LMF1: variants seen among roughly 807,000 people sequenced by gnomAD.
LMF1 encodes the protein lipase maturation factor 1.
A neutral mutation model predicts 60.6 loss-of-function variants in LMF1; 68 were observed. That is an observed-to-expected ratio of 1.12 (90% CI 0.92 to 1.37). The LOEUF is 1.37. Ranked by LOEUF, LMF1 falls within the 40% of genes most tolerant of loss-of-function variation. The pLI is 0.00. For missense variants in LMF1, 948 were observed against 767.2 expected (o/e 1.24, Z -2.78); for synonymous variants, 418 against 324.7 (o/e 1.29, Z -3.09).
At chr16:857,510 G>A (rs1370887972) in intron 10 of LMF1, among the ~76,000 whole-genome samples, 11 of 107,296 alleles carry the variant, frequency 1.0e-4, no homozygotes, top group Admixed American at 2.6e-4. Flanking sequence ...GTGGTGTCTC[G>A]GGACGGGTGT....
chr16:931,694 C>G (rs2071789273), intron 3 of LMF1: 1 of 1,287,066 alleles, frequency 7.8e-7, no homozygotes, highest in South Asian at 1.2e-5. Flanking sequence ...GAAGACAGTT[C>G]AAAGACGCAT....
At chr16:917,214 T>A (rs2071302142) in intron 3 of LMF1, among the ~76,000 whole-genome samples, 2 of 152,212 alleles carry the variant, frequency 1.3e-5, no homozygotes, top group Non-Finnish European at 2.9e-5. Context: ...CCCAAGCACA[T>A]GGGCAACACA....
At chr16:919,010 C>G (rs1166742936) in intron 3 of LMF1, among the ~76,000 whole-genome samples, 1 of 152,170 alleles carries the variant, frequency 6.6e-6, no homozygotes, top group Non-Finnish European at 1.5e-5. Context: ...GCCTCCTGGG[C>G]TGGAGCCCGC....
intron 10 of LMF1, among the ~76,000 whole-genome samples, chr16:863,155 G>A (rs1176388838): frequency 6.6e-6 from 1 of 152,086 alleles, no homozygotes. Context: ...CAGATTGCAG[G>A]GTCTGTAGTG....
intron 2 of LMF1, among the ~76,000 whole-genome samples, chr16:942,460 T>A (rs2072124500): frequency 6.6e-6 from 1 of 152,272 alleles, no homozygotes; most frequent in African/African-American, 2.4e-5. Flanking sequence ...AAATACTTTT[T>A]ATGCCCCATT....
intron 6 of LMF1, among the ~76,000 whole-genome samples, chr16:875,929 G>T (rs114046591): frequency 6.6e-6 from 1 of 152,184 alleles, no homozygotes; most frequent in South Asian, 2.1e-4. Flanking sequence ...GACGGCTCAG[G>T]AGTCACCCGT....
At chr16:976,309 G>A (rs1220533221) in intron 1 of LMF1, 3 of 453,258 alleles carry the variant, frequency 6.6e-6, no homozygotes, top group South Asian at 1.6e-5. Context: ...GGGGTCTGGG[G>A]TTCAGTGGAG....
At chr16:940,672 G>C (rs563386594) in intron 2 of LMF1, among the ~76,000 whole-genome samples, 1 of 152,252 alleles carries the variant, frequency 6.6e-6, no homozygotes, top group Admixed American at 6.5e-5. Flanking sequence ...ACTGGAAAAT[G>C]AGTGGGAGAC....
chr16:859,498 C>T (rs1257540157), intron 10 of LMF1, among the ~76,000 whole-genome samples: 21 of 55,794 alleles, frequency 3.8e-4, no homozygotes, highest in East Asian at 1.1e-3. Flanking sequence ...TGTCTCGGGA[C>T]GGGTGTGCAG....
At chr16:890,711 A>G (rs2070457367) in intron 5 of LMF1, among the ~76,000 whole-genome samples, 1 of 152,224 alleles carries the variant, frequency 6.6e-6, no homozygotes, top group Non-Finnish European at 1.5e-5. Context: ...TCTTTTAAGG[A>G]CACAGTCGTT....
intron 6 of LMF1, among the ~76,000 whole-genome samples, chr16:877,482 T>C (rs1378570016): frequency 6.6e-6 from 1 of 152,202 alleles, no homozygotes; most frequent in African/African-American, 2.4e-5. Flanking sequence ...GCTCAGATGT[T>C]CTGGGAATGT....
intron 6 of LMF1, among the ~76,000 whole-genome samples, chr16:876,856 A>T (rs947690543): frequency 3.9e-5 from 6 of 152,162 alleles, no homozygotes; most frequent in Non-Finnish European, 7.3e-5. Context: ...CCATTAGAGG[A>T]GGGAAAATAA....
rs1471069164 is a variant in LMF1 at position 962,204 on chromosome 16, G to T, written c.194-7538C>A. On this transcript the variant is annotated intron_variant, in intron 1 of 10. Transcript: ENST00000262301. The surrounding 1 kb of genome is among the most constrained non-coding windows in gnomAD (Gnocchi z 4.5). Reference sequence around the variant, plus strand: ...GGTGACAGCACGGGATCACGACCCAGACACAGACTCACGGTGACAGCATGG... The same window carrying T: ...GGTGACAGCACGGGATCACGACCCATACACAGACTCACGGTGACAGCATGG... Among the ~76,000 whole-genome samples, 46 of 110,312 alleles carry T rather than the reference G, an allele frequency of 4.2e-4. No homozygotes were observed. The highest frequency in any genetic ancestry group is 7.9e-4 in the Non-Finnish European group (43 of 54,768). 72.4% of individuals were successfully genotyped at this position (110,312 alleles called of 152,430 possible). A position where few individuals can be genotyped will look rare whatever the true frequency, so the allele number is the denominator to read the frequency against.
At chr16:952,316 C>CAA (rs1555473484) in intron 2 of LMF1, among the ~76,000 whole-genome samples, 1 of 151,928 alleles carries the variant, frequency 6.6e-6, no homozygotes, top group Non-Finnish European at 1.5e-5. Flanking sequence ...GGACCCCCCC[C>CAA]CACAGGTGCC....
At chr16:953,912 CCCACCCCAAACCA>C (rs1268066009) in intron 2 of LMF1, among the ~76,000 whole-genome samples, 4 of 101,360 alleles carry the variant, frequency 3.9e-5, no homozygotes, top group Admixed American at 1.0e-4. Context: ...CACACAGACA[CCCACCCCAAACCA>C]GCTTCCTACA....
upstream of LMF1, chr16:971,105 C>T: frequency 9.6e-7 from 1 of 1,039,400 alleles, no homozygotes; most frequent in Non-Finnish European, 1.3e-6. Flanking sequence ...CCCCGGGAGG[C>T]CCCGCTCACA....
At chr16:964,008 T>A in intron 1 of LMF1, 1 of 455,808 alleles carries the variant, frequency 2.2e-6, no homozygotes, top group South Asian at 1.5e-5. Flanking sequence ...AGCAGAGCCA[T>A]GGCGGCCACC....
intron 3 of LMF1, among the ~76,000 whole-genome samples, chr16:920,493 G>C (rs2071403537): frequency 6.6e-6 from 1 of 152,216 alleles, no homozygotes. Flanking sequence ...CAGCAGCAGA[G>C]TGAAGAACGA....
At chr16:923,128 GTGGTGTTGGCGTCGTGTTGTTGCA>G (rs1399124474) in intron 3 of LMF1, among the ~76,000 whole-genome samples, 3 of 151,966 alleles carry the variant, frequency 2.0e-5, no homozygotes, top group Non-Finnish European at 4.4e-5. Flanking sequence ...CGGGTGTGAT[GTGGTGTTGGCGTCGTGTTGTTGCA>G]AAGGCCTGTC....
Sources: allele counts gnomAD v4.1 joint callset (sites outside exome capture counted in the v4.1 genomes callset), GRCh38; gene constraint gnomAD v4.1.1; non-coding constraint Gnocchi (gnomAD v3.1); transcripts MANE v1.5; gene names NCBI Gene and HGNC (gene_info 2026-07-23, HGNC 2026-07-21).